TJP2: variants seen among roughly 807,000 people sequenced by gnomAD.
TJP2 encodes the protein tight junction protein 2.
TJP2 carries 91 observed loss-of-function variants against 133.1 expected under a neutral mutation model. That is an observed-to-expected ratio of 0.68 (90% CI 0.58 to 0.81). The LOEUF (loss-of-function observed/expected upper bound fraction) is 0.81, where lower values mean the gene tolerates loss of function less well. Ranked by LOEUF, TJP2 falls within the 40% of genes least tolerant of loss-of-function variation. TJP2 has a pLI of 0.00. For missense variants in TJP2, 1,541 were observed against 1,565.6 expected, an observed-to-expected ratio of 0.98 and a Z score of 0.26; for synonymous variants, 592 against 583.4, an observed-to-expected ratio of 1.01 and a Z score of -0.21.
chr9:69,221,227 A>G lies in TJP2; in HGVS notation c.683A>G (p.Asp228Gly). Residue 228 changes from aspartate to glycine, a missense_variant, in exon 5 of 23, where the codon GAC becomes GGC. By Grantham distance (94) the Asp-to-Gly change is moderately conservative (BLOSUM62 -1). Coordinates refer to ENST00000377245, the MANE Select transcript of TJP2 (RefSeq NM_004817.4). ...AGCCTGGAGCGGGGCCTGGACCACG[A>G]CTTTGGGCCATCCCGGGACCGGGAC... is the stretch of plus-strand genomic sequence containing the variant. ...GRSLERGLDH[D>G]FGPSRDRDRD... is the part of the protein sequence containing the mutation. 1.9e-6 allele frequency: 3 copies of G among 1,606,050 alleles called. No individual in the cohort carries two copies. The highest frequency in any genetic ancestry group is 1.1e-5 in the South Asian group (1 of 89,970).
intron 1 of TJP2, among the ~76,000 whole-genome samples, chr9:69,205,987 A>AT (rs999883704): frequency 1.3e-5 from 2 of 152,182 alleles, no homozygotes; most frequent in African/African-American, 2.4e-5. Flanking sequence ...TTATAAAAAG[A>AT]TTAAAAAAAA....
chr9:69,219,440 C>A (rs1374943552), intron 4 of TJP2, among the ~76,000 whole-genome samples: 1 of 152,136 alleles, frequency 6.6e-6, no homozygotes, highest in African/African-American at 2.4e-5. Flanking sequence ...GGCAACCATG[C>A]GAAGGAAAGT....
At chr9:69,246,827 C>T (rs1283276640) in intron 18 of TJP2, 37 bp downstream of exon 18, 8 of 1,575,258 alleles carry the variant, frequency 5.1e-6, no homozygotes, top group Non-Finnish European at 6.1e-6. Context: ...AGGTGAGAGT[C>T]CCTGTTCTGA....
At chr9:69,176,506 G>T (rs552007311) in intron 1 of TJP2, among the ~76,000 whole-genome samples, 1 of 152,012 alleles carries the variant, frequency 6.6e-6, no homozygotes, top group Non-Finnish European at 1.5e-5. Context: ...AGCTTTGGGT[G>T]GGGGGAAGTC....
intron 1 of TJP2, among the ~76,000 whole-genome samples, chr9:69,180,191 T>C (rs1424565329): frequency 2.3e-5 from 1 of 44,132 alleles, no homozygotes; most frequent in Non-Finnish European, 5.8e-5. Context: ...TGGGAGAGAG[T>C]TATTAGAATA....
intron 11 of TJP2, among the ~76,000 whole-genome samples, chr9:69,230,731 G>A (rs1020765351): frequency 2.6e-5 from 4 of 152,110 alleles, no homozygotes; most frequent in African/African-American, 7.2e-5. Context: ...TGTTTAATGG[G>A]GATGAGAATA....
At chr9:69,144,798 C>T (rs1320169587) in intron 1 of TJP2, among the ~76,000 whole-genome samples, 1 of 152,172 alleles carries the variant, frequency 6.6e-6, no homozygotes, top group African/African-American at 2.4e-5. Context: ...TTCCTATCAG[C>T]CCTGGTTAGC....
intron 2 of TJP2, among the ~76,000 whole-genome samples, chr9:69,164,987 G>A (rs7862404): frequency 0.42 from 64,544 of 151,902 alleles, 13,999 homozygotes; most frequent in East Asian, 0.63. Context: ...CCATCATTAC[G>A]CCCGGCTAAT....
At chr9:69,172,715 T>A (rs953812), upstream of TJP2, among the ~76,000 whole-genome samples, 1 of 151,952 alleles carries the variant, frequency 6.6e-6, no homozygotes, top group South Asian at 2.1e-4. Flanking sequence ...AATATTTTAT[T>A]TTTTTTTCCT....
At chr9:69,132,364 C>G (rs2133242420) in intron 1 of TJP2, among the ~76,000 whole-genome samples, 1 of 152,304 alleles carries the variant, frequency 6.6e-6, no homozygotes, top group African/African-American at 2.4e-5. Flanking sequence ...GGATAACAGT[C>G]AGGCTTGCTA....
chr9:69,248,970 C>CAAAAAAAAAAAAAAAAAAAAACAA (rs56986564), intron 19 of TJP2: 1 of 822,652 alleles, frequency 1.2e-6, no homozygotes, highest in Admixed American at 8.1e-5. Flanking sequence ...ATAGAACTAC[C>CAAAAAAAAAAAAAAAAAAAAACAA]AAAAAAAAAA....
chr9:69,241,454 A>AG (rs1415095747), intron 17 of TJP2, among the ~76,000 whole-genome samples: 1 of 152,172 alleles, frequency 6.6e-6, no homozygotes, highest in Non-Finnish European at 1.5e-5. Context: ...CTGGAGAGGA[A>AG]GGGGTGAATG....
At chr9:69,204,425 C>T (rs1040776299) in intron 1 of TJP2, among the ~76,000 whole-genome samples, 1 of 152,200 alleles carries the variant, frequency 6.6e-6, no homozygotes, top group African/African-American at 2.4e-5. Context: ...CCCATAAAAT[C>T]TTTGCTAGAT....
Position 69,212,535 on chromosome 9 carries a change from T to A in TJP2, c.61-13T>A, listed in dbSNP as rs751754902. The A allele has an allele frequency of 6.2e-7, 1 of 1,609,218 alleles. No homozygotes were observed. The highest frequency in any genetic ancestry group is 1.1e-5 in the South Asian group (1 of 90,976). ...GTGGTTTTCATCAGATTGGTTTTGTTCTTTTAAAACAGGCCCCAGGCATGG... is the reference window on the plus strand; with the variant it reads ...GTGGTTTTCATCAGATTGGTTTTGTACTTTTAAAACAGGCCCCAGGCATGG... On this transcript the variant is annotated splice_polypyrimidine_tract_variant and intron_variant, in intron 1 of 22. Transcript: ENST00000377245.
intron 1 of TJP2, among the ~76,000 whole-genome samples, chr9:69,203,000 T>A (rs1827106750): frequency 6.6e-6 from 1 of 152,222 alleles, no homozygotes; most frequent in Admixed American, 6.5e-5. Flanking sequence ...AATCTGGAAT[T>A]CTTAAATTCT....
chr9:69,205,849 G>T (rs1439679847), intron 1 of TJP2, among the ~76,000 whole-genome samples: 2 of 152,256 alleles, frequency 1.3e-5, no homozygotes, highest in South Asian at 2.1e-4. Context: ...GCCTGTTCAG[G>T]GGGACTTTGG....
At position 69,174,440 on chromosome 9, in the gene TJP2, C is replaced by T. The variant is rs773854159; in HGVS notation, c.60+8C>T. On this transcript the variant is annotated splice_region_variant and intron_variant, in intron 1 of 22. Coordinates refer to ENST00000377245, the MANE Select transcript of TJP2 (RefSeq NM_004817.4). ...CTGTCAGGTTGGCTCCGCGTAAGTGCCTCCTTGTGCCGCGCGGTTGGGAGG... is the reference window on the plus strand; with the variant it reads ...CTGTCAGGTTGGCTCCGCGTAAGTGTCTCCTTGTGCCGCGCGGTTGGGAGG... 16 of 1,550,596 alleles carry T rather than the reference C, an allele frequency of 1.0e-5. No homozygotes were observed. The South Asian group carries it at 1.9e-4, about 18-fold the overall frequency.
chr9:69,122,168 GTT>G (rs1822174047), intron 1 of TJP2: 1 of 150,972 alleles, frequency 6.6e-6, no homozygotes, highest in Non-Finnish European at 1.5e-5. Context: ...GATGGAAACT[GTT>G]TCACTTTCTG....
intron 1 of TJP2, among the ~76,000 whole-genome samples, chr9:69,193,088 G>A (rs1826315907): frequency 6.6e-6 from 1 of 151,932 alleles, no homozygotes; most frequent in South Asian, 2.1e-4. Flanking sequence ...GCTAATTTTT[G>A]TATTTTTAGT....
Sources: allele counts gnomAD v4.1 joint callset (sites outside exome capture counted in the v4.1 genomes callset), GRCh38; gene constraint gnomAD v4.1.1; transcripts MANE v1.5; gene names NCBI Gene and HGNC (gene_info 2026-07-23, HGNC 2026-07-21).